UNC13C: variants seen among roughly 807,000 people sequenced by gnomAD.
UNC13C encodes the protein unc-13 homolog C, also known as protein unc-13 homolog C.
Under a neutral mutation model 245.4 loss-of-function variants are expected in UNC13C, and 174 were observed. That is an observed-to-expected ratio of 0.71 (90% CI 0.63 to 0.80). The LOEUF (loss-of-function observed/expected upper bound fraction) is 0.80. Among genes scored for constraint, UNC13C ranks in the 30% least tolerant of loss-of-function variants. The pLI is 0.00. For missense variants in UNC13C, 2,829 were observed against 2,602.9 expected (o/e 1.09, Z -1.89); for synonymous variants, 992 against 895.1 (o/e 1.11, Z -1.93).
At chr15:54,468,860 T>C (rs1192189980) in intron 19 of UNC13C, among the ~76,000 whole-genome samples, 1 of 151,700 alleles carries the variant, frequency 6.6e-6, no homozygotes, top group Non-Finnish European at 1.5e-5. Context: ...TTTGTAAGTA[T>C]TTTGAAATCC....
chr15:54,032,636 T>C (rs1896406897), intron 2 of UNC13C, among the ~76,000 whole-genome samples: 1 of 152,218 alleles, frequency 6.6e-6, no homozygotes, highest in Non-Finnish European at 1.5e-5. Context: ...TTCTAAATCA[T>C]TTAGGCCAAT....
At position 54,335,279 on chromosome 15, in the gene UNC13C, C is replaced by T. The variant is rs564363210; in HGVS notation, c.4584+1423C>T. On this transcript the variant is annotated intron_variant, in intron 16 of 32. Transcript: ENST00000260323. ...TCAAAATACTGCTTGGCATCACTTT[C>T]TTCTATAGCTACTACCCCAGTTCAT... Among the ~76,000 whole-genome samples the T allele has an allele frequency of 1.4e-4, 21 of 152,208 alleles. 1 individual carries two copies. The South Asian group carries it at 3.9e-3, about 29-fold the overall frequency.
At chr15:54,228,597 C>T (rs769692941) in intron 4 of UNC13C, among the ~76,000 whole-genome samples, 3 of 152,098 alleles carry the variant, frequency 2.0e-5, no homozygotes, top group South Asian at 2.1e-4. Context: ...CTGGATTCTT[C>T]CCTTCAAGGC....
intron 18 of UNC13C, among the ~76,000 whole-genome samples, chr15:54,407,802 A>T (rs1458183427): frequency 1.3e-5 from 2 of 152,156 alleles, no homozygotes; most frequent in Non-Finnish European, 2.9e-5. Flanking sequence ...AATAATTTAA[A>T]CTGTAAATAT....
chr15:54,135,560 C>T (rs1360413540), intron 2 of UNC13C, among the ~76,000 whole-genome samples: 1 of 152,112 alleles, frequency 6.6e-6, no homozygotes, highest in East Asian at 1.9e-4. Flanking sequence ...AGAGACAGTC[C>T]TTTCCCCATT....
At chr15:54,006,128 G>T (rs974253784) in intron 1 of UNC13C, among the ~76,000 whole-genome samples, 2 of 152,116 alleles carry the variant, frequency 1.3e-5, no homozygotes, top group African/African-American at 4.8e-5. Context: ...ATCCTTACAA[G>T]ATTACCATGA....
At chr15:54,303,427 A>G (rs1596180519) in intron 13 of UNC13C, among the ~76,000 whole-genome samples, 1 of 152,112 alleles carries the variant, frequency 6.6e-6, no homozygotes, top group African/African-American at 2.4e-5. Flanking sequence ...TTATTCTAAA[A>G]TATCTCTGGG....
At chr15:53,935,247 C>G in the UNC13C span, among the ~76,000 whole-genome samples, 2 of 151,964 alleles carry the variant, frequency 1.3e-5, no homozygotes, top group Non-Finnish European at 2.9e-5. Context: ...CACTCCTTCC[C>G]ACCCACCCAC....
At chr15:53,936,878 G>A in the UNC13C span, among the ~76,000 whole-genome samples, 1 of 152,284 alleles carries the variant, frequency 6.6e-6, no homozygotes, top group East Asian at 1.9e-4. Flanking sequence ...CCATTCTGTG[G>A]TCAGCAACCT....
the UNC13C span, among the ~76,000 whole-genome samples, chr15:53,883,367 G>A: frequency 6.6e-6 from 1 of 152,152 alleles, no homozygotes; most frequent in Admixed American, 6.6e-5. Flanking sequence ...CTTGGTATCA[G>A]CCACAGCCCT....
intron 25 of UNC13C, among the ~76,000 whole-genome samples, chr15:54,526,857 A>G (rs1426421526): frequency 1.3e-5 from 2 of 152,132 alleles, no homozygotes; most frequent in African/African-American, 2.4e-5. Context: ...ACATTTATCA[A>G]TTAGTTATGC....
At chr15:53,880,592 T>C in the UNC13C span, among the ~76,000 whole-genome samples, 1 of 152,164 alleles carries the variant, frequency 6.6e-6, no homozygotes, top group African/African-American at 2.4e-5. Flanking sequence ...CAAATCCTGA[T>C]GTATTATAAG....
chr15:54,028,851 G>A (rs1226055482), intron 2 of UNC13C, among the ~76,000 whole-genome samples: 1 of 151,902 alleles, frequency 6.6e-6, no homozygotes, highest in Non-Finnish European at 1.5e-5. Context: ...CAGCCTGCAG[G>A]TCTTAGGAGG....
intron 17 of UNC13C, among the ~76,000 whole-genome samples, chr15:54,363,161 T>G (rs918207607): frequency 1.1e-4 from 16 of 152,202 alleles, no homozygotes; most frequent in Non-Finnish European, 2.1e-4. Flanking sequence ...GAGGCTGGAG[T>G]GCAATGGCAC....
chr15:54,203,768 A>G (rs915383402), intron 4 of UNC13C, among the ~76,000 whole-genome samples: 7 of 112,788 alleles, frequency 6.2e-5, no homozygotes, highest in African/African-American at 2.0e-4. Flanking sequence ...ATATATATGT[A>G]TATATACACA....
chr15:54,030,110 A>G (rs1160945498), intron 2 of UNC13C, among the ~76,000 whole-genome samples: 2 of 152,066 alleles, frequency 1.3e-5, no homozygotes, highest in African/African-American at 4.8e-5. Context: ...ATCCTTATAT[A>G]GGCTTTTTCT....
chr15:53,940,586 AG>A, the UNC13C span, among the ~76,000 whole-genome samples: 1 of 152,214 alleles, frequency 6.6e-6, no homozygotes, highest in Non-Finnish European at 1.5e-5. Flanking sequence ...TCAGCCTAAA[AG>A]CTTCTTAAGC....
the UNC13C span, among the ~76,000 whole-genome samples, chr15:53,963,914 C>T: frequency 6.6e-6 from 1 of 152,154 alleles, no homozygotes; most frequent in Non-Finnish European, 1.5e-5. Flanking sequence ...TTTAGTCAAG[C>T]AATTGTGTCA....
chr15:54,415,109 T>A (rs757398932), intron 19 of UNC13C, 42 bp downstream of exon 19: 1 of 1,399,768 alleles, frequency 7.1e-7, no homozygotes. Context: ...CATGTTAGAG[T>A]TAAATGGTGA....
Sources: allele counts gnomAD v4.1 joint callset (sites outside exome capture counted in the v4.1 genomes callset), GRCh38; gene constraint gnomAD v4.1.1; transcripts MANE v1.5; gene names NCBI Gene and HGNC (gene_info 2026-07-23, HGNC 2026-07-21).